Variants in RHOT1 observed in about 807,000 individuals in gnomAD.
The protein encoded by RHOT1 is mitochondrial Rho GTPase 1.
A neutral mutation model predicts 95.3 loss-of-function variants in RHOT1; 27 were observed. The ratio of observed to expected loss-of-function variants is 0.28; its 90% CI spans 0.21 to 0.39. The LOEUF (loss-of-function observed/expected upper bound fraction) is 0.39, where lower values mean the gene tolerates loss of function less well. Among genes scored for constraint, RHOT1 ranks in the 10% least tolerant of loss-of-function variants. RHOT1 has a pLI of 1.00. For synonymous variants in RHOT1, 227 were observed against 263.5 expected, an observed-to-expected ratio of 0.86 and a Z score of 1.34; for missense variants, 578 against 786.7, an observed-to-expected ratio of 0.73 and a Z score of 3.17.
chr17:32,224,671 G>A lies in RHOT1; in HGVS notation c.1918G>A (p.Gly640Ser). The change falls in exon 20 of 20, where the codon GGT becomes AGT. Residue 640 changes from glycine (G) to serine (S), a missense_variant. Around this residue, in one of 4 missense-constraint regions of RHOT1, gnomAD observed 296 missense variants for 338.5 expected, o/e 0.87. Coordinates refer to ENST00000545287, the MANE Select transcript of RHOT1 (RefSeq NM_001033566.3). ...SSTFWLRASF[G>S]ATVFAVLGFA... ...CACGTTTTGGCTTCGAGCAAGTTTT[G>A]GTGCTACTGTTTTTGCAGTTTTGGG... 2.5e-6 allele frequency: 4 copies of A among 1,613,574 alleles called. No homozygotes were observed. Among genetic ancestry groups the A allele is most frequent in the Non-Finnish European group, 3.4e-6 (4 of 1,179,702 alleles).
At chr17:32,212,855 GC>G (rs1401732395) in intron 19 of RHOT1, among the ~76,000 whole-genome samples, 2 of 151,898 alleles carry the variant, frequency 1.3e-5, no homozygotes, top group African/African-American at 4.8e-5. Flanking sequence ...ATTTCTTTCA[GC>G]CTTTTCTTAA....
At chr17:32,187,779 G>A (rs909095689) in intron 8 of RHOT1, among the ~76,000 whole-genome samples, 1 of 152,140 alleles carries the variant, frequency 6.6e-6, no homozygotes, top group Admixed American at 6.5e-5. Flanking sequence ...ATGTTGGCCA[G>A]GCTGGTCTCG....
intron 19 of RHOT1, among the ~76,000 whole-genome samples, chr17:32,215,093 G>A (rs941487362): frequency 6.6e-6 from 1 of 151,378 alleles, no homozygotes; most frequent in Non-Finnish European, 1.5e-5. Flanking sequence ...TTTTAGTTTC[G>A]CCATGTCTCA....
intron 19 of RHOT1, chr17:32,222,878 A>G: frequency 1.0e-6 from 1 of 985,736 alleles, no homozygotes. Context: ...GAGTCATCTC[A>G]TGGTCCACTT....
chr17:32,158,649 G>A (rs192143952), intron 1 of RHOT1, among the ~76,000 whole-genome samples: 415 of 151,966 alleles, frequency 2.7e-3, no homozygotes, highest in African/African-American at 9.2e-3. Context: ...TAGTAGAGAC[G>A]GGGTTTCACC....
intron 7 of RHOT1, 149 bp from the exon 8 acceptor site, chr17:32,183,022 A>T: frequency 1.3e-6 from 1 of 743,508 alleles, no homozygotes; most frequent in Non-Finnish European, 2.1e-6. Flanking sequence ...TGGCCTCTGA[A>T]CTCTTTCTAG....
At position 32,211,248 on chromosome 17, in the gene RHOT1, T is replaced by G; in HGVS notation, c.1862+10T>G. 1 of 1,593,066 alleles carries G rather than the reference T, an allele frequency of 6.3e-7. No homozygotes were observed. Among genetic ancestry groups the G allele is most frequent in the South Asian group, 1.1e-5 (1 of 88,510 alleles). On this transcript the variant is annotated intron_variant, in intron 19 of 19. Coordinates refer to ENST00000545287, the MANE Select transcript of RHOT1 (RefSeq NM_001033566.3). ...CTGCAGTTCTTAACAGGTTCTTAAC[T>G]TTATTTACTGGGTACCAGGCATTCT...
chr17:32,207,279 G>T, intron 17 of RHOT1: 1 of 352,236 alleles, frequency 2.8e-6, no homozygotes. Flanking sequence ...TTACATTAAT[G>T]CAAGCTCTTC....
At chr17:32,192,745 C>G (rs539490668) in intron 9 of RHOT1, among the ~76,000 whole-genome samples, 5 of 150,420 alleles carry the variant, frequency 3.3e-5, no homozygotes, top group Non-Finnish European at 5.9e-5. Context: ...CATCTCGGCT[C>G]ACTGCAACCT....
intron 18 of RHOT1, among the ~76,000 whole-genome samples, 179 bp from the exon 19 acceptor site, chr17:32,210,937 A>AT (rs1417129967): frequency 6.6e-6 from 1 of 152,130 alleles, no homozygotes; most frequent in Non-Finnish European, 1.5e-5. Flanking sequence ...ATTACTATTT[A>AT]TTATGTTTTT....
chr17:32,144,165 A>T (rs937078675), intron 1 of RHOT1, among the ~76,000 whole-genome samples: 5 of 152,188 alleles, frequency 3.3e-5, no homozygotes, highest in African/African-American at 9.7e-5. Context: ...CGACTTGCTT[A>T]AAAAACTGAT....
At chr17:32,183,684 T>C (rs2035813455) in intron 8 of RHOT1, among the ~76,000 whole-genome samples, 1 of 152,186 alleles carries the variant, frequency 6.6e-6, no homozygotes, top group Non-Finnish European at 1.5e-5. Context: ...TTTGTTTTTG[T>C]TTTTTTTCTT....
chr17:32,202,711 G>A (rs573903584), intron 14 of RHOT1, 59 bp from the exon 15 acceptor site: 1 of 1,305,612 alleles, frequency 7.7e-7, no homozygotes, highest in East Asian at 2.5e-5. Flanking sequence ...GTGGAATGGA[G>A]GCTTAGTGAA....
intron 7 of RHOT1, 46 bp downstream of exon 7, chr17:32,182,911 T>A: frequency 8.0e-7 from 1 of 1,250,016 alleles, no homozygotes. Context: ...AATGAATTCT[T>A]ACTAAATTCG....
chr17:32,145,392 T>G (rs2031164361), intron 1 of RHOT1, among the ~76,000 whole-genome samples: 1 of 152,184 alleles, frequency 6.6e-6, no homozygotes, highest in Non-Finnish European at 1.5e-5. Flanking sequence ...ATATTTGTTT[T>G]CTACTAGTTA....
intron 1 of RHOT1, among the ~76,000 whole-genome samples, chr17:32,167,605 A>C (rs1042609246): frequency 9.9e-5 from 15 of 152,188 alleles, no homozygotes; most frequent in African/African-American, 3.4e-4. Context: ...CAGACTGGCA[A>C]ATGACCACTG....
At position 32,225,472 on chromosome 17, in the gene RHOT1, TTAAA is replaced by T. The variant is rs2039072864; in HGVS notation, c.*744_*747del. 2.0e-5 allele frequency: 3 copies of T among 152,632 alleles called. No homozygotes were observed. The highest frequency in any genetic ancestry group is 3.9e-4 in the East Asian group (2 of 5,194). 9.5% of individuals were successfully genotyped at this position (152,632 alleles called of 1,614,324 possible). ...TTTGTATATTACCAATGTTTTTAGTTTAAATAAAGAGTCACCCTTACTACTGTTG... is the reference window on the plus strand; with the variant it reads ...TTTGTATATTACCAATGTTTTTAGTTTAAAGAGTCACCCTTACTACTGTTG... On this transcript the variant is annotated 3_prime_UTR_variant, in exon 20 of 20. Transcript: ENST00000545287.
chr17:32,204,126 T>C (rs896443904), intron 16 of RHOT1, among the ~76,000 whole-genome samples, 153 bp downstream of exon 16: 3 of 152,184 alleles, frequency 2.0e-5, no homozygotes, highest in African/African-American at 7.2e-5. Context: ...ACGGTCTCAC[T>C]ATGTTGCCCT....
At chr17:32,166,063 T>C (rs1172267287) in intron 1 of RHOT1, among the ~76,000 whole-genome samples, 2 of 151,696 alleles carry the variant, frequency 1.3e-5, no homozygotes, top group Admixed American at 1.3e-4. Context: ...TGGCACATGC[T>C]TGGAATCTCA....
Sources: allele counts gnomAD v4.1 joint callset (sites outside exome capture counted in the v4.1 genomes callset), GRCh38; gene constraint gnomAD v4.1.1; regional missense constraint gnomAD v4.1.1; transcripts MANE v1.5; gene names NCBI Gene and HGNC (gene_info 2026-07-23, HGNC 2026-07-21).